The following GUCY2C variants were observed in gnomAD, a reference collection of about 807,000 sequenced individuals.
GUCY2C encodes guanylyl cyclase C.
Under a neutral mutation model 131.1 loss-of-function variants are expected in GUCY2C, and 118 were observed. The observed-to-expected ratio is 0.90, with a 90% CI of 0.78 to 1.05. The LOEUF is 1.05. GUCY2C is among the 50% of genes least tolerant of loss of function. The pLI is 0.00. For missense variants in GUCY2C, 1,161 were observed against 1,304.4 expected, an observed-to-expected ratio of 0.89 and a Z score of 1.69; for synonymous variants, 452 against 457.8, an observed-to-expected ratio of 0.99 and a Z score of 0.16.
intron 7 of GUCY2C, among the ~76,000 whole-genome samples, chr12:14,675,936 C>T (rs923581132): frequency 5.9e-5 from 9 of 152,162 alleles, no homozygotes; most frequent in African/African-American, 2.2e-4. Flanking sequence ...AGTTAAGACC[C>T]AGCTCCAAAA....
intron 1 of GUCY2C, among the ~76,000 whole-genome samples, chr12:14,692,830 C>A (rs1948598187): frequency 6.6e-6 from 1 of 152,142 alleles, no homozygotes; most frequent in Non-Finnish European, 1.5e-5. Context: ...GCCTGGGCAA[C>A]AAGAACGATA....
intron 5 of GUCY2C, among the ~76,000 whole-genome samples, chr12:14,681,149 T>C (rs1592142432): frequency 1.3e-5 from 2 of 152,142 alleles, no homozygotes; most frequent in Non-Finnish European, 2.9e-5. Context: ...AATACTTAGG[T>C]ATTTTCTCTC....
chr12:14,662,967 C>T (rs1947899870), intron 10 of GUCY2C, among the ~76,000 whole-genome samples: 2 of 151,996 alleles, frequency 1.3e-5, no homozygotes, highest in Non-Finnish European at 2.9e-5. Flanking sequence ...TAGGACAACA[C>T]TAGAAGCTCA....
At chr12:14,635,784 T>C (rs1182897242) in intron 19 of GUCY2C, among the ~76,000 whole-genome samples, 1 of 152,054 alleles carries the variant, frequency 6.6e-6, no homozygotes, top group Non-Finnish European at 1.5e-5. Context: ...TAAAAACCAA[T>C]TGCACAAAAA....
chr12:14,664,847 GTCATTCAT>G (rs72427445), intron 10 of GUCY2C, among the ~76,000 whole-genome samples: 47 of 151,964 alleles, frequency 3.1e-4, no homozygotes, highest in South Asian at 8.3e-4. Context: ...ATCTCATGTT[GTCATTCAT>G]TCATTCATTC....
intron 1 of GUCY2C, among the ~76,000 whole-genome samples, chr12:14,695,872 G>T (rs1948646574): frequency 2.0e-5 from 3 of 152,022 alleles, no homozygotes; most frequent in African/African-American, 7.2e-5. Flanking sequence ...TGCCCAGGCT[G>T]GTCTTGAACT....
intron 15 of GUCY2C, among the ~76,000 whole-genome samples, chr12:14,647,980 A>G (rs1170416112): frequency 6.8e-6 from 1 of 147,218 alleles, no homozygotes; most frequent in Non-Finnish European, 1.5e-5. Context: ...ATTTATTTTG[A>G]GATGAAGACT....
chr12:14,632,959 A>T (rs1365911772), intron 19 of GUCY2C, among the ~76,000 whole-genome samples: 4 of 152,052 alleles, frequency 2.6e-5, no homozygotes, highest in Non-Finnish European at 5.9e-5. Context: ...CACTACCAAC[A>T]CCAGTGCAGA....
At chr12:14,651,301 A>G in intron 15 of GUCY2C, 106 bp downstream of exon 15, 2 of 625,714 alleles carry the variant, frequency 3.2e-6, no homozygotes, top group Non-Finnish European at 5.6e-6. Context: ...GACCCCACCA[A>G]CTTTCCCTGA....
rs371202760 is a variant in GUCY2C, at chr12:14,696,188, A to T, written c.217+44T>A. 5.0e-5 allele frequency: 73 copies of T among 1,448,908 alleles called. No homozygotes were observed. The African/African-American group carries it at 9.6e-4, about 19-fold the overall frequency. The allele number at this position is 1,448,908 out of a possible 1,614,324, so 89.8% of individuals were successfully genotyped here. A position where few individuals can be genotyped will look rare whatever the true frequency, so the allele number is the denominator to read the frequency against. On this transcript the variant is annotated intron_variant, in intron 1 of 26. Coordinates refer to ENST00000261170, the MANE Select transcript of GUCY2C (RefSeq NM_004963.4). Reference sequence around the variant, plus strand: ...TTGCTTAGCAACATTTTGTCCCCAGAGGTAGTAACAGAGTGGAGGAAGATT... The same window carrying T: ...TTGCTTAGCAACATTTTGTCCCCAGTGGTAGTAACAGAGTGGAGGAAGATT...
chr12:14,661,209 G>A (rs1268374073), intron 10 of GUCY2C, 147 bp from the exon 11 acceptor site: 11 of 606,174 alleles, frequency 1.8e-5, no homozygotes, highest in African/African-American at 1.7e-4. Context: ...GGTAATATAA[G>A]TCCTGTGTCC....
chr12:14,619,804 G>C (rs563766299), intron 23 of GUCY2C: 1 of 152,912 alleles, frequency 6.5e-6, no homozygotes, highest in South Asian at 2.0e-4. Context: ...ATAACTTTCC[G>C]TAAGCATTTC....
intron 19 of GUCY2C, among the ~76,000 whole-genome samples, chr12:14,634,506 CT>C (rs1259523013): frequency 3.3e-5 from 5 of 152,154 alleles, no homozygotes; most frequent in Non-Finnish European, 7.4e-5. Flanking sequence ...AAGGTTACCA[CT>C]GCAGAAAACC....
At position 14,644,543 on chromosome 12, in the gene GUCY2C, A is replaced by G. The variant is rs184394742; in HGVS notation, c.1797+686T>C. Among the ~76,000 whole-genome samples, 48 of 152,268 alleles carry G rather than the reference A, an allele frequency of 3.2e-4. 1 individual carries two copies. In the East Asian group the frequency reaches 5.0e-3, roughly 16 times the overall value. ...CTGATTCTGAACCCATATAACTTTC[A>G]GGTGAGTTAAGACTGTATCAAACAG... On this transcript the variant is annotated intron_variant, in intron 16 of 26. Coordinates refer to ENST00000261170, the MANE Select transcript of GUCY2C (RefSeq NM_004963.4).
chr12:14,645,035 C>T, intron 16 of GUCY2C, among the ~76,000 whole-genome samples, 194 bp downstream of exon 16: 1 of 152,054 alleles, frequency 6.6e-6, no homozygotes, highest in South Asian at 2.1e-4. Flanking sequence ...TGAACATGTA[C>T]TTGTACCTGG....
Position 14,645,305 on chromosome 12 carries a change from T to C in GUCY2C, c.1721A>G (p.Asn574Ser), listed in dbSNP as rs2137027524. Residue 574 changes from asparagine to serine, a missense_variant, in exon 16 of 27, where the codon AAT becomes AGT. Asn to Ser is a conservative substitution (Grantham distance 46, BLOSUM62 1). Coordinates refer to ENST00000261170, the MANE Select transcript of GUCY2C (RefSeq NM_004963.4). The stretch of plus-strand genomic sequence containing the variant: ...GCCATCAGGGTAGGAAATTGTGTCA[T>C]TTAAAACTTCCTGAATAGGAAAAAA... The part of the protein sequence containing the change: ...CERGSLREVL[N>S]DTISYPDGTF... 6.4e-7 allele frequency: 1 copy of C among 1,563,398 alleles called. No individual in the cohort carries two copies.
intron 12 of GUCY2C, 87 bp from the exon 13 acceptor site, chr12:14,653,101 G>T: frequency 1.0e-6 from 1 of 973,016 alleles, no homozygotes; most frequent in Admixed American, 1.7e-5. Context: ...TCTTCCAGGT[G>T]GGCTGCATCT....
chr12:14,682,982 CATG>C (rs1390608341), intron 4 of GUCY2C, 57 bp downstream of exon 4: 3 of 1,159,254 alleles, frequency 2.6e-6, no homozygotes, highest in Admixed American at 3.4e-5. Flanking sequence ...AGGTGGCCTG[CATG>C]ATCCTATGGC....
At chr12:14,618,665 C>T (rs1223020921) in intron 24 of GUCY2C, among the ~76,000 whole-genome samples, 2 of 151,152 alleles carry the variant, frequency 1.3e-5, no homozygotes, top group Non-Finnish European at 2.9e-5. Context: ...TCTGGATGTG[C>T]TGGTATGTTC....
Sources: gnomAD v4.1 joint callset for allele counts (sites outside exome capture counted in the v4.1 genomes callset) on GRCh38, gnomAD v4.1.1 for gene constraint, MANE v1.5 for transcripts, NCBI Gene and HGNC (gene_info 2026-07-23, HGNC 2026-07-21) for gene names.